Variants in CNKSR2 observed in about 807,000 individuals in gnomAD.
CNKSR2 encodes connector enhancer of kinase suppressor of Ras 2.
A neutral mutation model predicts 84.4 loss-of-function variants in CNKSR2; 14 were observed. That is an observed-to-expected ratio of 0.17 (90% CI 0.11 to 0.26). CNKSR2 has a LOEUF of 0.26. Among genes scored for constraint, CNKSR2 ranks in the 10% least tolerant of loss-of-function variants. The pLI is 1.00. For missense variants in CNKSR2, 485 were observed against 771.2 expected, an observed-to-expected ratio of 0.63 and a Z score of 4.40; for synonymous variants, 275 against 277.9, an observed-to-expected ratio of 0.99 and a Z score of 0.10.
At chrX:21,594,788 G>A (rs1487378334) in intron 15 of CNKSR2, 186 bp from the exon 16 acceptor site, 1 of 340,867 alleles carries the variant, frequency 2.9e-6, no homozygotes, top group Non-Finnish European at 5.2e-6. Flanking sequence ...TATTCTAAGT[G>A]TTCAAAATAT....
chrX:21,386,338 A>G (rs1381239194), intron 1 of CNKSR2, among the ~76,000 whole-genome samples: 1 of 111,838 alleles, frequency 8.9e-6, no homozygotes, highest in African/African-American at 3.2e-5. Flanking sequence ...TTTATCATAG[A>G]CCAAATTGTG....
chrX:21,386,513 G>A (rs1200338129), intron 1 of CNKSR2, among the ~76,000 whole-genome samples: 1 of 111,781 alleles, frequency 8.9e-6, no homozygotes, highest in East Asian at 2.8e-4. Flanking sequence ...GTAATGAAAG[G>A]CACAATTCCA....
At chrX:21,450,315 G>A (rs2090910943) in intron 4 of CNKSR2, among the ~76,000 whole-genome samples, 1 of 111,826 alleles carries the variant, frequency 8.9e-6, no homozygotes, top group African/African-American at 3.3e-5. Context: ...ATTTAAGATA[G>A]TACTATTACT....
chrX:21,516,445 T>C (rs1212220208), intron 8 of CNKSR2, 40 bp from the exon 9 acceptor site: 1 of 1,183,293 alleles, frequency 8.5e-7, no homozygotes, highest in Admixed American at 2.3e-5. Context: ...CTTTGAATAC[T>C]GTACCTCAAT....
chrX:21,502,484 C>G (rs973301140), intron 8 of CNKSR2, among the ~76,000 whole-genome samples: 1 of 109,752 alleles, frequency 9.1e-6, no homozygotes, highest in Non-Finnish European at 1.9e-5. Context: ...CTTACTAACT[C>G]ATCAGAGTGA....
intron 1 of CNKSR2, among the ~76,000 whole-genome samples, chrX:21,386,770 A>G (rs1347850727): frequency 9.0e-6 from 1 of 111,701 alleles, no homozygotes; most frequent in African/African-American, 3.3e-5. Flanking sequence ...GAAGTTTCTC[A>G]CTTTTTATAA....
At chrX:21,515,694 A>G (rs759498798) in intron 8 of CNKSR2, among the ~76,000 whole-genome samples, 13 of 112,020 alleles carry the variant, frequency 1.2e-4, no homozygotes, top group Admixed American at 8.5e-4. Context: ...CAGAATTTTT[A>G]AAGGATGAAG....
chrX:21,531,847 T>G lies in CNKSR2; in HGVS notation c.1092-9T>G. On this transcript the variant is annotated splice_polypyrimidine_tract_variant and intron_variant, in intron 10 of 21. Coordinates refer to ENST00000379510, the MANE Select transcript of CNKSR2 (RefSeq NM_014927.5). Reference sequence around the variant, plus strand: ...CTACATCTTCTCCTTTACTCTAACCTTTCTTTAGGGATGAAAAAGGAAACC... The same window carrying G: ...CTACATCTTCTCCTTTACTCTAACCGTTCTTTAGGGATGAAAAAGGAAACC... 8.5e-7 allele frequency: 1 copy of G among 1,181,434 alleles called. No homozygotes were observed. The highest frequency in any genetic ancestry group is 1.8e-5 in the South Asian group (1 of 55,249).
intron 13 of CNKSR2, among the ~76,000 whole-genome samples, chrX:21,579,402 C>G (rs1454528595): frequency 9.0e-6 from 1 of 111,247 alleles, no homozygotes; most frequent in Non-Finnish European, 1.9e-5. Context: ...AAATAAAAAT[C>G]ATAAATTATC....
chrX:21,463,327 G>A (rs1236071532), intron 4 of CNKSR2, among the ~76,000 whole-genome samples: 1 of 111,093 alleles, frequency 9.0e-6, no homozygotes, highest in Admixed American at 9.6e-5. Flanking sequence ...TGGTACCAGG[G>A]TAATATTGGC....
At chrX:21,439,137 C>G (rs1296061742) in intron 3 of CNKSR2, among the ~76,000 whole-genome samples, 4 of 111,403 alleles carry the variant, frequency 3.6e-5, no homozygotes, top group African/African-American at 1.3e-4. Context: ...AAATTCTTTT[C>G]AAGTACCCAT....
intron 8 of CNKSR2, chrX:21,504,039 A>G (rs893463808): frequency 4.5e-5 from 5 of 111,197 alleles, no homozygotes; most frequent in African/African-American, 1.6e-4. Context: ...TTTTAATAAT[A>G]TGATCGGTTG....
chrX:21,595,478 C>T (rs762072810), intron 17 of CNKSR2, 83 bp downstream of exon 17: 171 of 550,651 alleles, frequency 3.1e-4, no homozygotes, highest in Non-Finnish European at 4.8e-4. Context: ...AATAATGTCA[C>T]TGAAGTTTCT....
At chrX:21,412,649 G>A (rs900277026) in intron 1 of CNKSR2, among the ~76,000 whole-genome samples, 4 of 111,235 alleles carry the variant, frequency 3.6e-5, no homozygotes, top group East Asian at 2.9e-4. Context: ...AAAGAAAATT[G>A]TATATCTATT....
intron 8 of CNKSR2, among the ~76,000 whole-genome samples, chrX:21,512,000 C>T (rs1480468674): frequency 1.8e-5 from 2 of 111,555 alleles, no homozygotes; most frequent in Non-Finnish European, 3.8e-5. Flanking sequence ...CTGTATTCAC[C>T]CTATTGAGGT....
chrX:21,509,715 CT>C (rs1356722659), intron 8 of CNKSR2, among the ~76,000 whole-genome samples: 1 of 111,339 alleles, frequency 9.0e-6, no homozygotes, highest in African/African-American at 3.2e-5. Flanking sequence ...TATTGTAAGA[CT>C]TTTTTTATTA....
chrX:21,381,839 A>C (rs1183171414), intron 1 of CNKSR2, among the ~76,000 whole-genome samples: 2 of 111,806 alleles, frequency 1.8e-5, no homozygotes, highest in Non-Finnish European at 3.8e-5. Context: ...CATCCACCTT[A>C]GGAAAGCCTT....
chrX:21,521,336 A>G (rs2091781580), intron 9 of CNKSR2, among the ~76,000 whole-genome samples: 1 of 111,028 alleles, frequency 9.0e-6, no homozygotes, highest in Non-Finnish European at 1.9e-5. Flanking sequence ...GAGTAAATAC[A>G]TGCAAGTAAT....
intron 1 of CNKSR2, among the ~76,000 whole-genome samples, chrX:21,381,724 C>T (rs2089901845): frequency 8.9e-6 from 1 of 112,122 alleles, no homozygotes; most frequent in Non-Finnish European, 1.9e-5. Context: ...GGCTGCCTCA[C>T]CGTCCTTCCT....
Sources: gnomAD v4.1 joint callset for allele counts (sites outside exome capture counted in the v4.1 genomes callset) on GRCh38, gnomAD v4.1.1 for gene constraint, MANE v1.5 for transcripts, NCBI Gene and HGNC (gene_info 2026-07-23, HGNC 2026-07-21) for gene names.